The following DTD1 variants were observed in gnomAD, a reference collection of about 807,000 sequenced individuals.
DTD1 encodes D-tyrosyl-tRNA deacylase 1 homolog.
Under a neutral mutation model 25.6 loss-of-function variants are expected in DTD1, and 13 were observed. The observed-to-expected ratio is 0.51, with a 90% CI of 0.33 to 0.81. The LOEUF (loss-of-function observed/expected upper bound fraction) is 0.81, where lower values mean the gene tolerates loss of function less well. DTD1 is among the 30% of genes least tolerant of loss of function. The pLI, the probability that DTD1 is intolerant of heterozygous loss-of-function variation, is 0.02. For synonymous variants in DTD1, 110 were observed against 103.6 expected (o/e 1.06, Z -0.37); for missense variants, 193 against 266.4 (o/e 0.72, Z 1.92).
chr20:18,627,509 G>C (rs1338713706), intron 3 of DTD1, among the ~76,000 whole-genome samples: 1 of 152,222 alleles, frequency 6.6e-6, no homozygotes. Context: ...GGTGTTACCA[G>C]ACCTTTTATT....
chr20:18,601,404 C>G (rs986079879), intron 3 of DTD1, among the ~76,000 whole-genome samples: 2 of 150,136 alleles, frequency 1.3e-5, no homozygotes, highest in Non-Finnish European at 2.9e-5. Context: ...GAGGCTGAGG[C>G]AGGAGTATCG....
chr20:18,609,129 T>G (rs2122272789), intron 3 of DTD1, among the ~76,000 whole-genome samples: 1 of 151,982 alleles, frequency 6.6e-6, no homozygotes, highest in Non-Finnish European at 1.5e-5. Flanking sequence ...TACACCCTTT[T>G]GTAGACAGTT....
intron 4 of DTD1, among the ~76,000 whole-genome samples, chr20:18,733,442 G>A (rs1475586660): frequency 2.0e-5 from 3 of 152,184 alleles, no homozygotes; most frequent in Non-Finnish European, 4.4e-5. Flanking sequence ...AGTGTCTGTG[G>A]TGGGGAGCTG....
At position 18,628,051 on chromosome 20, in the gene DTD1, G is replaced by A. The variant is rs2060766512; in HGVS notation, c.371-76G>A. The A allele has an allele frequency of 2.5e-6, 3 of 1,221,382 alleles. No individual in the cohort carries two copies. The Admixed American group carries it at 5.3e-5, about 22-fold the overall frequency. The allele number at this position is 1,221,382 out of a possible 1,614,324, so 75.7% of individuals were successfully genotyped here. A position where few individuals can be genotyped will look rare whatever the true frequency, so the allele number is the denominator to read the frequency against. The stretch of plus-strand genomic sequence containing the variant: ...ATGTCTTTATTAGCAGTGTGAAAAT[G>A]AACTAATACAGTGTGCTTTTGGATG... On this transcript the variant is annotated intron_variant, in intron 3 of 5. Coordinates refer to ENST00000377452, the MANE Select transcript of DTD1 (RefSeq NM_080820.6).
intron 4 of DTD1, among the ~76,000 whole-genome samples, chr20:18,677,365 G>A (rs1308145361): frequency 6.6e-6 from 1 of 151,984 alleles, no homozygotes; most frequent in Admixed American, 6.6e-5. Flanking sequence ...GTTATGTAGG[G>A]AACAGTTCGT....
At position 18,636,710 on chromosome 20, in the gene DTD1, G is replaced by A. The variant is rs937743805; in HGVS notation, c.477+8477G>A. 2.0e-5 allele frequency among the ~76,000 whole-genome samples: 3 copies of A among 152,194 alleles called. No homozygotes were observed. The South Asian group carries it at 6.2e-4, about 32-fold the overall frequency. On this transcript the variant is annotated intron_variant, in intron 4 of 5. Transcript: ENST00000377452. Reference sequence around the variant, plus strand: ...CCACAAGTTTTGTATGTGTGGATGTGTGCAAGTGCCTTTTGCTGGGAAAAA... The same window carrying A: ...CCACAAGTTTTGTATGTGTGGATGTATGCAAGTGCCTTTTGCTGGGAAAAA...
intron 4 of DTD1, among the ~76,000 whole-genome samples, chr20:18,711,035 A>G (rs2061156505): frequency 6.6e-6 from 1 of 152,056 alleles, no homozygotes; most frequent in Admixed American, 6.6e-5. Flanking sequence ...GGATCTTATG[A>G]TTTCTTAGGT....
chr20:18,665,338 G>C (rs878950458), intron 4 of DTD1, among the ~76,000 whole-genome samples: 1 of 152,200 alleles, frequency 6.6e-6, no homozygotes, highest in Non-Finnish European at 1.5e-5. Flanking sequence ...TGCCAGCAGG[G>C]CATCTGCCTA....
chr20:18,632,068 T>C (rs1179066565), intron 4 of DTD1: 1 of 888,710 alleles, frequency 1.1e-6, no homozygotes. Context: ...CTGTGTGAGA[T>C]GCTGGACATG....
At chr20:18,627,951 T>G (rs1404731829) in intron 3 of DTD1, among the ~76,000 whole-genome samples, 176 bp from the exon 4 acceptor site, 1 of 152,180 alleles carries the variant, frequency 6.6e-6, no homozygotes, top group Non-Finnish European at 1.5e-5. Flanking sequence ...CCGCCATGAT[T>G]GTGAGGCCTT....
intron 3 of DTD1, among the ~76,000 whole-genome samples, chr20:18,617,646 C>T (rs2060714190): frequency 6.6e-6 from 1 of 152,108 alleles, no homozygotes; most frequent in Non-Finnish European, 1.5e-5. Context: ...AAGGTTTGCT[C>T]TCATTCGTGT....
intron 5 of DTD1, among the ~76,000 whole-genome samples, chr20:18,754,068 A>G (rs11904941): frequency 0.014 from 2,207 of 152,278 alleles, 31 homozygotes; most frequent in African/African-American, 0.023. Context: ...AAAAAAAAAA[A>G]TCTTGGTCCT....
chr20:18,637,532 C>T (rs895970967), intron 4 of DTD1, among the ~76,000 whole-genome samples: 11 of 152,196 alleles, frequency 7.2e-5, no homozygotes, highest in African/African-American at 2.7e-4. Flanking sequence ...CACTTTAAGA[C>T]TTGTAGTTGA....
chr20:18,688,560 T>C (rs1447724259), intron 4 of DTD1, among the ~76,000 whole-genome samples: 1 of 152,110 alleles, frequency 6.6e-6, no homozygotes, highest in Non-Finnish European at 1.5e-5. Context: ...CCTGCGGCTT[T>C]CCTACATAAT....
intron 4 of DTD1, among the ~76,000 whole-genome samples, chr20:18,730,026 T>C (rs2061234869): frequency 6.6e-6 from 1 of 152,096 alleles, no homozygotes; most frequent in African/African-American, 2.4e-5. Flanking sequence ...TTCTACCTGC[T>C]CCACTGCCAA....
intron 4 of DTD1, among the ~76,000 whole-genome samples, chr20:18,708,219 A>ATAGATATAT (rs2061136159): frequency 3.2e-4 from 13 of 40,704 alleles, no homozygotes; most frequent in South Asian, 1.3e-3. Context: ...TATATATATA[A>ATAGATATAT]TATATATATA....
intron 3 of DTD1, among the ~76,000 whole-genome samples, chr20:18,612,081 C>G (rs1373376660): frequency 1.5e-5 from 2 of 135,660 alleles, no homozygotes; most frequent in African/African-American, 2.8e-5. Context: ...GTCGCCCAGG[C>G]TGGAGTGCAG....
chr20:18,676,099 G>A (rs936846171), intron 4 of DTD1, among the ~76,000 whole-genome samples: 2 of 152,182 alleles, frequency 1.3e-5, no homozygotes, highest in Non-Finnish European at 2.9e-5. Flanking sequence ...CTTAGGAGCA[G>A]TGATTTGGTG....
rs76830498 is a variant in DTD1, at chr20:18,682,046, G to A, written c.477+53813G>A. ...GCTGTTCTATGGTACCTGCCCACAG[G>A]CGTTAACAGTACAGTGTTATTTGAA... On this transcript the variant is annotated intron_variant, in intron 4 of 5. Coordinates refer to ENST00000377452, the MANE Select transcript of DTD1 (RefSeq NM_080820.6). 3.6e-3 allele frequency among the ~76,000 whole-genome samples: 548 copies of A among 152,298 alleles called. 2 individuals carry two copies. The highest frequency in any genetic ancestry group is 0.012 in the African/African-American group (515 of 41,546).
Sources: gnomAD v4.1 joint callset for allele counts (sites outside exome capture counted in the v4.1 genomes callset) on GRCh38, gnomAD v4.1.1 for gene constraint, MANE v1.5 for transcripts, NCBI Gene and HGNC (gene_info 2026-07-23, HGNC 2026-07-21) for gene names.